SCIMP: variants seen among roughly 807,000 people sequenced by gnomAD.
The protein encoded by SCIMP is SLP adapter and CSK-interacting membrane protein.
Under a neutral mutation model 22.0 loss-of-function variants are expected in SCIMP, and 18 were observed. The ratio of observed to expected loss-of-function variants is 0.82; its 90% CI spans 0.56 to 1.21. The LOEUF is 1.21. SCIMP is among the 50% of genes most tolerant of loss of function. SCIMP has a pLI of 0.00. For synonymous variants in SCIMP, 53 were observed against 62.2 expected, an observed-to-expected ratio of 0.85 and a Z score of 0.70; for missense variants, 155 against 171.2, an observed-to-expected ratio of 0.91 and a Z score of 0.53.
chr17:5,216,837 C>T (rs549219288), intron 3 of SCIMP, among the ~76,000 whole-genome samples: 6 of 152,030 alleles, frequency 3.9e-5, no homozygotes, highest in East Asian at 3.8e-4. Context: ...CTGTTGAGTT[C>T]GTGGAAATTC....
At chr17:5,225,262 C>T (rs1336003001) in intron 1 of SCIMP, among the ~76,000 whole-genome samples, 1 of 151,982 alleles carries the variant, frequency 6.6e-6, no homozygotes, top group Non-Finnish European at 1.5e-5. Context: ...GTCAGGAGTT[C>T]AAGACCAGCC....
At chr17:5,226,459 G>A (rs2074649144) in intron 1 of SCIMP, among the ~76,000 whole-genome samples, 1 of 151,620 alleles carries the variant, frequency 6.6e-6, no homozygotes, top group African/African-American at 2.4e-5. Flanking sequence ...GTTCTTACAA[G>A]TGAAATGGAC....
intron 1 of SCIMP, among the ~76,000 whole-genome samples, chr17:5,231,836 C>T (rs757219735): frequency 3.9e-5 from 6 of 152,140 alleles, no homozygotes; most frequent in East Asian, 1.9e-4. Flanking sequence ...GGGCGGATCA[C>T]GAGGTCAGGA....
chr17:5,211,786 G>T (rs370842080), intron 4 of SCIMP, among the ~76,000 whole-genome samples: 1 of 152,130 alleles, frequency 6.6e-6, no homozygotes, highest in African/African-American at 2.4e-5. Context: ...GCTGGGGCGC[G>T]GTGGCTTATG....
intron 1 of SCIMP, among the ~76,000 whole-genome samples, chr17:5,232,664 C>T (rs568234405): frequency 4.9e-4 from 74 of 151,984 alleles, no homozygotes; most frequent in South Asian, 1.5e-3. Context: ...TCTAATTCCC[C>T]GACTGTTGCT....
At chr17:5,213,162 T>C (rs894021328) in intron 4 of SCIMP, 1 of 985,170 alleles carries the variant, frequency 1.0e-6, no homozygotes, top group African/African-American at 1.7e-5. Flanking sequence ...TCTTTCTGTT[T>C]ATGTTCCAAG....
chr17:5,224,478 T>C (rs941317238), intron 1 of SCIMP, among the ~76,000 whole-genome samples: 43 of 102,146 alleles, frequency 4.2e-4, no homozygotes, highest in African/African-American at 1.6e-3. Context: ...TTGTTTGTTT[T>C]TTGAGACAGA....
At chr17:5,216,244 G>A (rs1042303581) in intron 3 of SCIMP, among the ~76,000 whole-genome samples, 1 of 152,060 alleles carries the variant, frequency 6.6e-6, no homozygotes, top group African/African-American at 2.4e-5. Flanking sequence ...CTCCCACGGT[G>A]GAATGTTCTA....
At chr17:5,227,796 C>G (rs575776799) in intron 1 of SCIMP, among the ~76,000 whole-genome samples, 2 of 152,212 alleles carry the variant, frequency 1.3e-5, no homozygotes, top group Non-Finnish European at 2.9e-5. Context: ...GAGCCTCTCT[C>G]GTGAGGCCAT....
chr17:5,228,344 T>TAAAA (rs2074667702), intron 1 of SCIMP, among the ~76,000 whole-genome samples: 1 of 14,104 alleles, frequency 7.1e-5, no homozygotes, highest in African/African-American at 3.2e-4. Flanking sequence ...AAATCTTGTC[T>TAAAA]CAAAAAAAAA....
rs1437087127 is a variant in SCIMP at position 5,223,611 on chromosome 17, C to T, written c.22-155G>A. 4.6e-6 allele frequency: 3 copies of T among 653,218 alleles called. No individual in the cohort carries two copies. In the African/African-American group the frequency reaches 5.5e-5, roughly 12 times the overall value. 40.5% of individuals were successfully genotyped at this position (653,218 alleles called of 1,614,324 possible). A position where few individuals can be genotyped will look rare whatever the true frequency, so the allele number is the denominator to read the frequency against. On this transcript the variant is annotated intron_variant, in intron 1 of 4. Coordinates refer to ENST00000574081, the MANE Select transcript of SCIMP (RefSeq NM_207103.3). ...AGGCTGGAGTGCAATGACGTGATCT[C>T]AGCTCTCAGCTCACTGCAACCTCCA...
At chr17:5,226,037 T>G (rs748208910) in intron 1 of SCIMP, among the ~76,000 whole-genome samples, 1 of 152,148 alleles carries the variant, frequency 6.6e-6, no homozygotes, top group Non-Finnish European at 1.5e-5. Context: ...TGTTGGTGAT[T>G]GTTGTGCTGG....
chr17:5,217,244 G>A (rs1165622237), intron 3 of SCIMP, among the ~76,000 whole-genome samples: 1 of 152,116 alleles, frequency 6.6e-6, no homozygotes, highest in African/African-American at 2.4e-5. Context: ...GGGTCTACTC[G>A]GTGGGGGAGA....
intron 1 of SCIMP, among the ~76,000 whole-genome samples, chr17:5,228,983 G>A (rs956373695): frequency 2.6e-5 from 4 of 152,128 alleles, no homozygotes; most frequent in Non-Finnish European, 5.9e-5. Flanking sequence ...ACTGTGCTGT[G>A]CAGTCTAATT....
In SCIMP at chr17:5,234,658, C is replaced by T. The variant is rs368948307; in HGVS notation, c.21+77G>A. 6.8e-4 allele frequency: 1,024 copies of T among 1,496,538 alleles called. 3 individuals carry two copies. In the African/African-American group the frequency reaches 8.0e-3, roughly 12 times the overall value. The allele number at this position is 1,496,538 out of a possible 1,614,324, so 92.7% of individuals were successfully genotyped here. A position where few individuals can be genotyped will look rare whatever the true frequency, so the allele number is the denominator to read the frequency against. Reference sequence around the variant, plus strand: ...TGCTGATCGGTGGCTCCCAGGGACACGCCCTGATGCCAGCGCTGGCAGATG... The same window carrying T: ...TGCTGATCGGTGGCTCCCAGGGACATGCCCTGATGCCAGCGCTGGCAGATG... On this transcript the variant is annotated intron_variant, in intron 1 of 4. Transcript: ENST00000574081.
intron 3 of SCIMP, among the ~76,000 whole-genome samples, chr17:5,220,549 T>C (rs1013802569): frequency 1.4e-4 from 21 of 150,650 alleles, no homozygotes; most frequent in African/African-American, 3.9e-4. Flanking sequence ...TCAGCCTGGC[T>C]AACATGGTGA....
chr17:5,211,079 A>G (rs2074523024), intron 4 of SCIMP, 124 bp from the exon 5 acceptor site: 8 of 1,425,732 alleles, frequency 5.6e-6, no homozygotes, highest in Non-Finnish European at 7.4e-6. Context: ...CCAGATCCCC[A>G]TTTTACAGAG....
intron 1 of SCIMP, among the ~76,000 whole-genome samples, chr17:5,233,217 C>T (rs1376906596): frequency 6.6e-6 from 1 of 152,186 alleles, no homozygotes; most frequent in Non-Finnish European, 1.5e-5. Context: ...CCCATCCCCA[C>T]CCCGCTTCAG....
At chr17:5,222,752 C>T (rs2074617782) in intron 2 of SCIMP, among the ~76,000 whole-genome samples, 1 of 152,060 alleles carries the variant, frequency 6.6e-6, no homozygotes, top group African/African-American at 2.4e-5. Flanking sequence ...GCAACCTCCG[C>T]CTCCTGGATT....
Sources: allele counts gnomAD v4.1 joint callset (sites outside exome capture counted in the v4.1 genomes callset), GRCh38; gene constraint gnomAD v4.1.1; transcripts MANE v1.5; gene names NCBI Gene and HGNC (gene_info 2026-07-23, HGNC 2026-07-21).